ZFYVE21: variants seen among roughly 807,000 people sequenced by gnomAD.
The protein encoded by ZFYVE21 is zinc finger FYVE-type containing 21, also known as zinc finger FYVE domain-containing protein 21.
Under a neutral mutation model 29.5 loss-of-function variants are expected in ZFYVE21, and 21 were observed. That is an observed-to-expected ratio of 0.71 (90% CI 0.50 to 1.02). The LOEUF is 1.02. Ranked by LOEUF, ZFYVE21 falls within the 50% of genes least tolerant of loss-of-function variation. The pLI, the probability that ZFYVE21 is intolerant of heterozygous loss-of-function variation, is 0.00. For synonymous variants in ZFYVE21, 151 were observed against 133.8 expected (o/e 1.13, Z -0.89); for missense variants, 326 against 335.4 (o/e 0.97, Z 0.22).
chr14:103,730,253 T>G, intron 5 of ZFYVE21: 1 of 212,278 alleles, frequency 4.7e-6, no homozygotes, highest in East Asian at 1.3e-4. Flanking sequence ...CTGGCACTTC[T>G]GTCAGCCTCC....
Position 103,729,211 on chromosome 14 carries a change from C to CA in ZFYVE21, c.526+30dup, listed in dbSNP as rs759212136. ...AATGCCAGCACGTCCTTTCCTAAGC[C>CA]AGGAGGGTTTGGTGCCATGCGTGGG... On this transcript the variant is annotated intron_variant, in intron 5 of 6. Coordinates refer to ENST00000311141, the MANE Select transcript of ZFYVE21 (RefSeq NM_024071.4). 12 of 1,612,178 alleles carry CA rather than the reference C, an allele frequency of 7.4e-6. No individual in the cohort carries two copies. In the East Asian group the frequency reaches 2.5e-4, roughly 33 times the overall value.
chr14:103,723,472 AG>A (rs1183682079), intron 1 of ZFYVE21, among the ~76,000 whole-genome samples: 1 of 152,214 alleles, frequency 6.6e-6, no homozygotes, highest in Non-Finnish European at 1.5e-5. Context: ...CTGGTTTCCA[AG>A]TCCAGGAAGC....
chr14:103,723,494 CA>C (rs2083891744), intron 1 of ZFYVE21, among the ~76,000 whole-genome samples: 1 of 152,136 alleles, frequency 6.6e-6, no homozygotes. Flanking sequence ...AGCTTAAAAG[CA>C]AAGGGAAACA....
At chr14:103,721,997 C>G (rs990232847) in intron 1 of ZFYVE21, among the ~76,000 whole-genome samples, 2 of 152,198 alleles carry the variant, frequency 1.3e-5, no homozygotes, top group African/African-American at 4.8e-5. Context: ...TGTATTCTCC[C>G]TAGCTCCTAA....
Position 103,716,009 on chromosome 14 carries a change from C to T in ZFYVE21, c.138+30C>T. On this transcript the variant is annotated intron_variant, in intron 1 of 6. Coordinates refer to ENST00000311141, the MANE Select transcript of ZFYVE21 (RefSeq NM_024071.4). The surrounding 1 kb of genome is among the most constrained non-coding windows in gnomAD (Gnocchi z 4.8). Reference sequence around the variant, plus strand: ...GTGGCCGTCGCCCCGGCCAGCGCCTCCGACCCGCCCCGCCGCCCCGGCCCG... The same window carrying T: ...GTGGCCGTCGCCCCGGCCAGCGCCTTCGACCCGCCCCGCCGCCCCGGCCCG... The T allele has an allele frequency of 1.7e-6, 2 of 1,202,114 alleles. No homozygotes were observed. The highest frequency in any genetic ancestry group is 1.0e-6 in the Non-Finnish European group (1 of 964,478). 74.5% of individuals were successfully genotyped at this position (1,202,114 alleles called of 1,614,324 possible). A position where few individuals can be genotyped will look rare whatever the true frequency, so the allele number is the denominator to read the frequency against.
chr14:103,726,535 A>G, intron 1 of ZFYVE21: 2 of 479,154 alleles, frequency 4.2e-6, no homozygotes, highest in Non-Finnish European at 7.5e-6. Context: ...TCAAACCCCA[A>G]GCCCACCTCA....
At position 103,733,028 on chromosome 14, in the gene ZFYVE21, G is replaced by C; in HGVS notation, c.*10G>C. The C allele has an allele frequency of 6.2e-7, 1 of 1,614,130 alleles. No homozygotes were observed. The highest frequency in any genetic ancestry group is 8.5e-7 in the Non-Finnish European group (1 of 1,180,050). On this transcript the variant is annotated 3_prime_UTR_variant, in exon 7 of 7. Transcript: ENST00000311141. Reference sequence around the variant, plus strand: ...ATCTCGGGACCAGTAACTCTACGTGGGGCTGAGCTTGGAGTACGTGTGGTC... The same window carrying C: ...ATCTCGGGACCAGTAACTCTACGTGCGGCTGAGCTTGGAGTACGTGTGGTC...
chr14:103,732,847 T>G, intron 6 of ZFYVE21, 85 bp downstream of exon 6: 1 of 1,599,494 alleles, frequency 6.3e-7, no homozygotes, highest in Non-Finnish European at 8.5e-7. Flanking sequence ...TGTCCTGCCA[T>G]TTGCCCCCTA....
At chr14:103,730,611 G>A (rs1329814087) in intron 5 of ZFYVE21, 1 of 152,658 alleles carries the variant, frequency 6.6e-6, no homozygotes, top group Non-Finnish European at 1.5e-5. Context: ...GGGGTGCAGT[G>A]AGCCCCGCTC....
chr14:103,715,888 G>T lies in ZFYVE21; in HGVS notation c.47G>T (p.Arg16Leu). The T allele has an allele frequency of 7.0e-7, 1 of 1,437,130 alleles. No homozygotes were observed. Among genetic ancestry groups the T allele is most frequent in the Non-Finnish European group, 9.2e-7 (1 of 1,089,554 alleles). 89.0% of individuals were successfully genotyped at this position (1,437,130 alleles called of 1,614,324 possible). A position where few individuals can be genotyped will look rare whatever the true frequency, so the allele number is the denominator to read the frequency against. Residue 16 changes from arginine to leucine, a missense_variant, in exon 1 of 7, where the codon CGC (arginine) becomes CTC (leucine). Arg to Leu is a moderately radical substitution (Grantham distance 102). Transcript: ENST00000311141. ...CGCCGCGACGCCAAGAAGCTGGTGCGCTCCCCGAGCGGCCTGCGCATGGTG... is the reference window on the plus strand; with the variant it reads ...CGCCGCGACGCCAAGAAGCTGGTGCTCTCCCCGAGCGGCCTGCGCATGGTG... ...SARRDAKKLV[R>L]SPSGLRMVPE...
rs753298303 is a variant in ZFYVE21, at chr14:103,715,838, C to A, written c.-4C>A. 4 of 1,397,946 alleles carry A rather than the reference C, an allele frequency of 2.9e-6. No homozygotes were observed. The highest frequency in any genetic ancestry group is 3.7e-6 in the Non-Finnish European group (4 of 1,069,444). 86.6% of individuals were successfully genotyped at this position (1,397,946 alleles called of 1,614,324 possible). The stretch of plus-strand genomic sequence containing the variant: ...GCCGCTGGCCGAGAGGCTGAGGCGG[C>A]GTCATGTCCTCCGAGGTGTCCGCGC... On this transcript the variant is annotated 5_prime_UTR_variant, in exon 1 of 7. Coordinates refer to ENST00000311141, the MANE Select transcript of ZFYVE21 (RefSeq NM_024071.4).
chr14:103,733,249 TAATTGG>T lies in ZFYVE21; in HGVS notation c.*232_*237del. On this transcript the variant is annotated 3_prime_UTR_variant, in exon 7 of 7. Coordinates refer to ENST00000311141, the MANE Select transcript of ZFYVE21 (RefSeq NM_024071.4). ...TTAGAATTTGTGTATTGTCAATACT[TAATTGG>T]GGGTGGGAGAGACTGAGCTACACTA... is the stretch of plus-strand genomic sequence containing the variant. 9 of 557,116 alleles carry T rather than the reference TAATTGG, an allele frequency of 1.6e-5. No homozygotes were observed. Among genetic ancestry groups the T allele is most frequent in the Non-Finnish European group, 2.8e-5 (9 of 316,848 alleles). The allele number at this position is 557,116 out of a possible 1,614,324, so 34.5% of individuals were successfully genotyped here. A position where few individuals can be genotyped will look rare whatever the true frequency, so the allele number is the denominator to read the frequency against.
At chr14:103,729,666 C>G (rs2083957566) in intron 5 of ZFYVE21, 17 of 1,194,418 alleles carry the variant, frequency 1.4e-5, no homozygotes, top group Non-Finnish European at 2.0e-5. Flanking sequence ...ACGGGGAGCT[C>G]GCATCCCGTT....
At chr14:103,728,208 G>A (rs2083946400) in intron 3 of ZFYVE21, 3 of 331,554 alleles carry the variant, frequency 9.0e-6, no homozygotes, top group African/African-American at 4.4e-5. Flanking sequence ...GGTGGAACCC[G>A]GCGCCGGCGC....
rs1239182032 is a variant in ZFYVE21 at position 103,732,653 on chromosome 14, A to G, written c.560A>G (p.Gln187Arg). The G allele has an allele frequency of 3.7e-6, 6 of 1,608,086 alleles. No homozygotes were observed. Among genetic ancestry groups the G allele is most frequent in the Non-Finnish European group, 5.1e-6 (6 of 1,178,108 alleles). The change falls in exon 6 of 7, where the codon CAG becomes CGG. Residue 187 changes from glutamine to arginine, a missense_variant. By Grantham distance (43) the Gln-to-Arg change is conservative (BLOSUM62 1). Transcript: ENST00000311141. ...GCACGGGCCACAGGCATGTTCCTGC[A>G]GTATACAGTGCCGGGGACGGAGGGT... Reference protein sequence around the residue: ...GNARATGMFLQYTVPGTEGVT... With the variant: ...GNARATGMFLRYTVPGTEGVT...
intron 4 of ZFYVE21, 46 bp downstream of exon 4, chr14:103,729,029 C>G: frequency 6.2e-7 from 1 of 1,613,470 alleles, no homozygotes; most frequent in African/African-American, 1.3e-5. Context: ...TGTCACAGAC[C>G]GGGAGCCTCG....
intron 1 of ZFYVE21, among the ~76,000 whole-genome samples, chr14:103,720,854 T>G (rs1383879304): frequency 6.6e-6 from 1 of 152,136 alleles, no homozygotes; most frequent in Non-Finnish European, 1.5e-5. Flanking sequence ...AGACGGAGTC[T>G]CACTGTCACC....
intron 3 of ZFYVE21, 57 bp from the exon 4 acceptor site, chr14:103,728,851 A>T: frequency 6.4e-7 from 1 of 1,559,044 alleles, no homozygotes; most frequent in East Asian, 2.2e-5. Context: ...ACTCGTGGGA[A>T]GGGTTAGGTG....
Position 103,727,750 on chromosome 14 carries a change from A to G in ZFYVE21, c.194A>G (p.His65Arg), listed in dbSNP as rs1240406064. The change falls in exon 3 of 7, where the codon CAC (histidine) becomes CGC (arginine). Residue 65 changes from histidine (H) to arginine (R), a missense_variant. Coordinates refer to ENST00000311141, the MANE Select transcript of ZFYVE21 (RefSeq NM_024071.4). Reference protein sequence around the residue: ...AKFDFLTRKHHCRRCGKCFCD... With the variant: ...AKFDFLTRKHRCRRCGKCFCD... Reference sequence around the variant, plus strand: ...AATCCTCCCGCATCTGCCCAGCACCACTGTCGCCGCTGCGGGAAGTGCTTC... The same window carrying G: ...AATCCTCCCGCATCTGCCCAGCACCGCTGTCGCCGCTGCGGGAAGTGCTTC... 4 of 1,607,090 alleles carry G rather than the reference A, an allele frequency of 2.5e-6. No homozygotes were observed. The highest frequency in any genetic ancestry group is 2.5e-6 in the Non-Finnish European group (3 of 1,179,524).
Sources: gnomAD v4.1 joint callset for allele counts (sites outside exome capture counted in the v4.1 genomes callset) on GRCh38, gnomAD v4.1.1 for gene constraint, Gnocchi (gnomAD v3.1) non-coding constraint, MANE v1.5 for transcripts, NCBI Gene and HGNC (gene_info 2026-07-23, HGNC 2026-07-21) for gene names.